The following ALAS1 variants were observed in gnomAD, a reference collection of about 807,000 sequenced individuals.
ALAS1 encodes 5-aminolevulinate synthase, non-specific, mitochondrial.
A neutral mutation model predicts 59.6 loss-of-function variants in ALAS1; 29 were observed. That is an observed-to-expected ratio of 0.49 (90% CI 0.36 to 0.66). ALAS1 has a LOEUF of 0.66. ALAS1 is among the 30% of genes least tolerant of loss of function. ALAS1 has a pLI of 0.00. For synonymous variants in ALAS1, 299 were observed against 296.6 expected (o/e 1.01, Z -0.08); for missense variants, 690 against 807.5 (o/e 0.85, Z 1.76).
At position 52,211,433 on chromosome 3, in the gene ALAS1, G is replaced by A; in HGVS notation, c.1481G>A (p.Ser494Asn). ...GALESVRILK[S>N]AEGRVLRRQH... The stretch of plus-strand genomic sequence containing the variant: ...CTGGAGTCTGTGCGGATCCTGAAGA[G>A]CGCTGAGGGACGGGTGCTTCGCCGC... Residue 494 changes from serine (S) to asparagine (N), a missense_variant, in exon 10 of 12, where the codon AGC becomes AAC. Ser to Asn is a conservative substitution (Grantham distance 46, BLOSUM62 1). Coordinates refer to ENST00000484952, the MANE Select transcript of ALAS1 (RefSeq NM_000688.6). 7.4e-6 allele frequency: 12 copies of A among 1,614,232 alleles called. No homozygotes were observed. The highest frequency in any genetic ancestry group is 9.3e-6 in the Non-Finnish European group (11 of 1,180,040).
intron 6 of ALAS1, among the ~76,000 whole-genome samples, chr3:52,205,343 C>T (rs926407792): frequency 6.6e-6 from 1 of 152,162 alleles, no homozygotes; most frequent in Non-Finnish European, 1.5e-5. Flanking sequence ...AGGAGGCTCA[C>T]CATCCTAGGG....
chr3:52,213,927 G>A (rs1699463127), intron 11 of ALAS1, 93 bp from the exon 12 acceptor site: 11 of 1,173,736 alleles, frequency 9.4e-6, no homozygotes, highest in Non-Finnish European at 1.3e-5. Context: ...ATGCTGCTAT[G>A]AACATTTGTG....
intron 9 of ALAS1, among the ~76,000 whole-genome samples, chr3:52,209,487 G>A (rs1409308046): frequency 1.3e-5 from 2 of 152,170 alleles, no homozygotes; most frequent in Admixed American, 6.5e-5. Flanking sequence ...GATTACAGGC[G>A]TGAGCCACCA....
rs780513566 is a variant in ALAS1 at position 52,211,523 on chromosome 3, A to C, written c.1571A>C (p.His524Pro). The change falls in exon 10 of 12, where the codon CAC (histidine) becomes CCC (proline). Residue 524 changes from histidine (H) to proline (P), a missense_variant. Transcript: ENST00000484952. ...ATGGATGCCGGCCTCCCTGTTGTCCACTGCCCCAGCCACATCATCCCTGTG... is the reference window on the plus strand; with the variant it reads ...ATGGATGCCGGCCTCCCTGTTGTCCCCTGCCCCAGCCACATCATCCCTGTG... ...MLMDAGLPVV[H>P]CPSHIIPVRV... The C allele has an allele frequency of 6.2e-7, 1 of 1,614,044 alleles. No homozygotes were observed. Among genetic ancestry groups the C allele is most frequent in the Non-Finnish European group, 8.5e-7 (1 of 1,180,030 alleles).
chr3:52,203,428 C>A (rs1453032243), intron 4 of ALAS1, among the ~76,000 whole-genome samples: 1 of 152,056 alleles, frequency 6.6e-6, no homozygotes, highest in Non-Finnish European at 1.5e-5. Context: ...ATAGTCCCAT[C>A]TTCTCAGGAG....
At chr3:52,212,723 G>C (rs1470789733) in intron 11 of ALAS1, among the ~76,000 whole-genome samples, 4 of 151,996 alleles carry the variant, frequency 2.6e-5, no homozygotes, top group Admixed American at 6.6e-5. Context: ...TAGAGATGGG[G>C]TTTCTCCATG....
rs1387824306 is a variant in ALAS1 at position 52,214,129 on chromosome 3, A to G, written c.1872A>G (p.Arg624=). Residue 624 remains arginine (R), a synonymous_variant, in exon 12 of 12, where the codon AGA becomes AGG. Transcript: ENST00000484952. ...RPLHFEVMSE[R]EKSYFSGLSK... is the part of the protein sequence containing the mutation. ...TGCATTTTGAAGTGATGAGTGAAAGAGAGAAGTCCTATTTCTCAGGCTTGA... is the reference window on the plus strand; with the variant it reads ...TGCATTTTGAAGTGATGAGTGAAAGGGAGAAGTCCTATTTCTCAGGCTTGA... The G allele has an allele frequency of 1.2e-6, 2 of 1,613,756 alleles. No homozygotes were observed. The highest frequency in any genetic ancestry group is 1.7e-5 in the Admixed American group (1 of 60,020).
At chr3:52,205,012 G>C (rs1699265133) in intron 6 of ALAS1, 97 bp downstream of exon 6, 1 of 1,028,588 alleles carries the variant, frequency 9.7e-7, no homozygotes, top group Admixed American at 2.1e-5. Flanking sequence ...ACATTCAGTA[G>C]CTGAAAGTGT....
chr3:52,200,712 A>G (rs912623529), intron 3 of ALAS1, among the ~76,000 whole-genome samples: 23 of 152,170 alleles, frequency 1.5e-4, no homozygotes, highest in Non-Finnish European at 2.5e-4. Flanking sequence ...CTTTATTTGT[A>G]TATACATTTG....
Position 52,208,328 on chromosome 3 carries a change from G to A in ALAS1, c.1330+81G>A, listed in dbSNP as rs1699336959. 16 of 1,507,268 alleles carry A rather than the reference G, an allele frequency of 1.1e-5. No individual in the cohort carries two copies. In the South Asian group the frequency reaches 1.9e-4, roughly 18 times the overall value. 93.4% of individuals were successfully genotyped at this position (1,507,268 alleles called of 1,614,324 possible). ...GACTAACTAGTCTAACTGGGATCAG[G>A]TGAGGAGACAGCCTGACAGCATATG... On this transcript the variant is annotated intron_variant, in intron 9 of 11. Transcript: ENST00000484952.
intron 9 of ALAS1, among the ~76,000 whole-genome samples, chr3:52,208,629 G>C (rs914311366): frequency 1.3e-5 from 2 of 152,180 alleles, no homozygotes; most frequent in African/African-American, 4.8e-5. Context: ...GTGAAGTGCT[G>C]AACTCCGTGC....
intron 2 of ALAS1, 93 bp from the exon 3 acceptor site, chr3:52,199,117 C>G: frequency 7.9e-7 from 1 of 1,273,832 alleles, no homozygotes; most frequent in South Asian, 1.4e-5. Flanking sequence ...TCCAGGGTAC[C>G]CTTTATATAA....
Position 52,205,905 on chromosome 3 carries a change from C to G in ALAS1, c.867C>G (p.Phe289Leu), listed in dbSNP as rs151137611. Residue 289 changes from phenylalanine to leucine, a missense_variant, in exon 7 of 12, where the codon TTC becomes TTG. Transcript: ENST00000484952. ...GAAATATTTCTGGAACTAGTAAATT[C>G]CATGTGGACTTAGAGCGGGAGCTGG... is the stretch of plus-strand genomic sequence containing the variant. The part of the protein sequence containing the change: ...GTRNISGTSK[F>L]HVDLERELAD... 7 of 1,614,112 alleles carry G rather than the reference C, an allele frequency of 4.3e-6. No homozygotes were observed. The Admixed American group carries it at 6.7e-5, about 15-fold the overall frequency.
intron 1 of ALAS1, 105 bp downstream of exon 1, chr3:52,198,360 C>T: frequency 2.4e-6 from 1 of 419,120 alleles, no homozygotes; most frequent in Non-Finnish European, 4.2e-6. Flanking sequence ...CCCCCACTGT[C>T]CCAGTCACCC....
rs1232979792 is a variant in ALAS1, at chr3:52,211,540, A to G, written c.1588A>G (p.Ile530Val). The change falls in exon 10 of 12, where the codon ATC (isoleucine) becomes GTC (valine). Residue 530 changes from isoleucine (I) to valine (V), a missense_variant. By Grantham distance (29) the Ile-to-Val change is conservative. Coordinates refer to ENST00000484952, the MANE Select transcript of ALAS1 (RefSeq NM_000688.6). ...TGTTGTCCACTGCCCCAGCCACATC[A>G]TCCCTGTGCGGGTAATGGCCTGTCT... ...LPVVHCPSHI[I>V]PVRVADAAKN... is the part of the protein sequence containing the mutation. 1 of 1,614,006 alleles carries G rather than the reference A, an allele frequency of 6.2e-7. No homozygotes were observed. The highest frequency in any genetic ancestry group is 8.5e-7 in the Non-Finnish European group (1 of 1,179,870).
chr3:52,199,723 G>A (rs375408983), intron 3 of ALAS1, among the ~76,000 whole-genome samples: 2 of 152,176 alleles, frequency 1.3e-5, no homozygotes, highest in Admixed American at 6.5e-5. Flanking sequence ...TCAGTGCCTC[G>A]TTCACATAAA....
intron 9 of ALAS1, among the ~76,000 whole-genome samples, chr3:52,208,731 TG>T: frequency 6.6e-6 from 1 of 152,340 alleles, no homozygotes; most frequent in South Asian, 2.1e-4. Context: ...AGCTAGACTT[TG>T]GAGCCCTGCC....
At chr3:52,207,664 CTGT>C (rs1411733869) in intron 8 of ALAS1, among the ~76,000 whole-genome samples, 2 of 152,256 alleles carry the variant, frequency 1.3e-5, no homozygotes, top group East Asian at 3.9e-4. Flanking sequence ...TCCCTGGTGT[CTGT>C]TGTTCCCTTC....
In ALAS1 at chr3:52,206,755, A is replaced by G. The variant is rs1243074298; in HGVS notation, c.1165+4A>G. The G allele has an allele frequency of 6.2e-7, 1 of 1,613,590 alleles. No individual in the cohort carries two copies. Among genetic ancestry groups the G allele is most frequent in the South Asian group, 1.1e-5 (1 of 91,056 alleles). ...GAAACTGTCCATTCAATGGATGGTA[A>G]GTGTGGATAGAGGTTCCTCTGAAAC... On this transcript the variant is annotated splice_donor_region_variant and intron_variant, in intron 8 of 11. Transcript: ENST00000484952.
Sources: gnomAD v4.1 joint callset for allele counts (sites outside exome capture counted in the v4.1 genomes callset) on GRCh38, gnomAD v4.1.1 for gene constraint, MANE v1.5 for transcripts, NCBI Gene and HGNC (gene_info 2026-07-23, HGNC 2026-07-21) for gene names.